DENND1B: variants seen among roughly 807,000 people sequenced by gnomAD.
DENND1B encodes the protein DENN domain containing 1B.
Under a neutral mutation model 90.1 loss-of-function variants are expected in DENND1B, and 59 were observed. The observed-to-expected ratio is 0.65, with a 90% CI of 0.53 to 0.81. DENND1B has a LOEUF of 0.81. Ranked by LOEUF, DENND1B falls within the 40% of genes least tolerant of loss-of-function variation. The pLI, the probability that DENND1B is intolerant of heterozygous loss-of-function variation, is 0.00. For missense variants in DENND1B, 862 were observed against 912.6 expected (o/e 0.94, Z 0.71); for synonymous variants, 337 against 324.6 (o/e 1.04, Z -0.41).
intron 2 of DENND1B, among the ~76,000 whole-genome samples, chr1:197,751,768 C>T (rs531747004): frequency 4.6e-5 from 7 of 151,666 alleles, no homozygotes; most frequent in African/African-American, 1.5e-4. Flanking sequence ...CACTTGAACC[C>T]AGGAGGCGGA....
chr1:197,713,931 C>T (rs1268578467), intron 3 of DENND1B, among the ~76,000 whole-genome samples: 1 of 21,664 alleles, frequency 4.6e-5, no homozygotes, highest in African/African-American at 1.4e-4. Context: ...ATAATATATA[C>T]ATATATTATA....
intron 13 of DENND1B, among the ~76,000 whole-genome samples, chr1:197,596,134 C>G (rs2125810595): frequency 6.6e-6 from 1 of 152,032 alleles, no homozygotes; most frequent in South Asian, 2.1e-4. Context: ...ACTAATGTTT[C>G]AAATCAAAGA....
At chr1:197,681,007 G>C (rs1435533378) in intron 3 of DENND1B, among the ~76,000 whole-genome samples, 2 of 152,002 alleles carry the variant, frequency 1.3e-5, no homozygotes, top group Non-Finnish European at 2.9e-5. Context: ...TCAGCTATTT[G>C]TTCTAATAAC....
intron 17 of DENND1B, 140 bp downstream of exon 17, chr1:197,546,593 A>T (rs1670831788): frequency 1.3e-6 from 1 of 765,110 alleles, no homozygotes; most frequent in South Asian, 2.2e-5. Flanking sequence ...ACGTAAAATA[A>T]GAATATTTAA....
intron 14 of DENND1B, 36 bp downstream of exon 14, chr1:197,595,172 A>T: frequency 6.3e-7 from 1 of 1,577,638 alleles, no homozygotes; most frequent in Non-Finnish European, 8.6e-7. Context: ...AACCATAAAA[A>T]AGCAAATTAA....
chr1:197,582,921 T>C (rs1674371903), intron 15 of DENND1B, among the ~76,000 whole-genome samples: 1 of 152,196 alleles, frequency 6.6e-6, no homozygotes, highest in Admixed American at 6.5e-5. Flanking sequence ...TCTTCCTCAA[T>C]GAGACTTTAA....
At chr1:197,526,729 T>C (rs539536670) in intron 20 of DENND1B, among the ~76,000 whole-genome samples, 45 of 152,294 alleles carry the variant, frequency 3.0e-4, no homozygotes, top group African/African-American at 1.1e-3. Context: ...ATTAATATAC[T>C]AGTATTGTTC....
At position 197,664,010 on chromosome 1, in the gene DENND1B, T is replaced by TACAC. The variant is rs10638441; in HGVS notation, c.297-5645_297-5642dup. ...AAAGAAAACTTTTGAAACACACACA[T>TACAC]ACACACACACACACACACAGAGAGA... On this transcript the variant is annotated intron_variant, in intron 5 of 22. Transcript: ENST00000620048. 2.7e-3 allele frequency among the ~76,000 whole-genome samples: 407 copies of TACAC among 149,560 alleles called. 2 individuals are homozygous for TACAC. The highest frequency in any genetic ancestry group is 3.1e-3 in the African/African-American group (128 of 40,968).
At chr1:197,577,622 G>A (rs1421782071) in intron 15 of DENND1B, among the ~76,000 whole-genome samples, 2 of 152,130 alleles carry the variant, frequency 1.3e-5, no homozygotes, top group Non-Finnish European at 2.9e-5. Flanking sequence ...TTCCTTCATT[G>A]TATCAGTATG....
chr1:197,522,935 T>G (rs778332529), intron 20 of DENND1B, among the ~76,000 whole-genome samples: 4 of 152,140 alleles, frequency 2.6e-5, no homozygotes, highest in Non-Finnish European at 5.9e-5. Flanking sequence ...CATGTCAGCT[T>G]AGAATAGCTG....
chr1:197,680,503 T>A (rs1043088403), intron 3 of DENND1B, among the ~76,000 whole-genome samples: 1 of 152,198 alleles, frequency 6.6e-6, no homozygotes, highest in African/African-American at 2.4e-5. Flanking sequence ...AGTTGACTAA[T>A]GATCAGTTAC....
chr1:197,633,153 C>T (rs1222710244), intron 10 of DENND1B, among the ~76,000 whole-genome samples: 1 of 152,140 alleles, frequency 6.6e-6, no homozygotes, highest in Non-Finnish European at 1.5e-5. Context: ...TGACCAGTTA[C>T]ATAAACAAGG....
At chr1:197,755,637 A>G (rs1365508417) in intron 2 of DENND1B, among the ~76,000 whole-genome samples, 1 of 152,226 alleles carries the variant, frequency 6.6e-6, no homozygotes, top group African/African-American at 2.4e-5. Context: ...CTGTTTTCAC[A>G]CTGCTGATAA....
intron 3 of DENND1B, among the ~76,000 whole-genome samples, chr1:197,684,422 A>AT (rs768687752): frequency 3.9e-5 from 6 of 152,218 alleles, no homozygotes; most frequent in Non-Finnish European, 8.8e-5. Context: ...GCAATCGATA[A>AT]TCAGCAGATG....
chr1:197,740,937 G>T (rs762179993), intron 2 of DENND1B, among the ~76,000 whole-genome samples: 1 of 152,258 alleles, frequency 6.6e-6, no homozygotes. Flanking sequence ...GAAGGAAGGA[G>T]TGAAAAGCAA....
intron 13 of DENND1B, among the ~76,000 whole-genome samples, chr1:197,596,280 C>T (rs1370628277): frequency 6.6e-6 from 1 of 151,968 alleles, no homozygotes; most frequent in Non-Finnish European, 1.5e-5. Context: ...TAAGTGAGAT[C>T]ATACTCCTGA....
intron 14 of DENND1B, among the ~76,000 whole-genome samples, chr1:197,588,952 G>C (rs2125789899): frequency 6.6e-6 from 1 of 151,854 alleles, no homozygotes; most frequent in South Asian, 2.1e-4. Flanking sequence ...CAAGTTGCTG[G>C]ATCTGTCTTG....
chr1:197,516,046 A>G (rs1476174011), intron 20 of DENND1B, among the ~76,000 whole-genome samples: 1 of 151,834 alleles, frequency 6.6e-6, no homozygotes, highest in Non-Finnish European at 1.5e-5. Flanking sequence ...CTTCACAGAT[A>G]CATTTACATT....
At chr1:197,755,586 T>A (rs1401771225) in intron 2 of DENND1B, among the ~76,000 whole-genome samples, 4 of 152,162 alleles carry the variant, frequency 2.6e-5, no homozygotes, top group Admixed American at 6.5e-5. Context: ...GAATTTCCAT[T>A]TTTTAAAAAA....
Sources: allele counts gnomAD v4.1 joint callset (sites outside exome capture counted in the v4.1 genomes callset), GRCh38; gene constraint gnomAD v4.1.1; transcripts MANE v1.5; gene names NCBI Gene and HGNC (gene_info 2026-07-23, HGNC 2026-07-21).